The following PAM variants were observed in gnomAD, a reference collection of about 807,000 sequenced individuals.
PAM encodes the protein peptidylglycine alpha-amidating monooxygenase.
A neutral mutation model predicts 122.1 loss-of-function variants in PAM; 72 were observed. The observed-to-expected ratio is 0.59, with a 90% confidence interval of 0.49 to 0.72. The LOEUF is 0.72. Among genes scored for constraint, PAM ranks in the 30% least tolerant of loss-of-function variants. The pLI is 0.00. For synonymous variants in PAM, 389 were observed against 404.4 expected, an observed-to-expected ratio of 0.96 and a Z score of 0.46; for missense variants, 1,106 against 1,183.7, an observed-to-expected ratio of 0.93 and a Z score of 0.96.
rs187825252 is a variant in PAM, at chr5:102,849,278, C to T, written c.-373-16545C>T. Among the ~76,000 whole-genome samples, 198 of 152,162 alleles carry T rather than the reference C, an allele frequency of 1.3e-3. 2 individuals carry two copies. The highest frequency in any genetic ancestry group is 1.2e-3 in the Admixed American group (18 of 15,274). ...ACTCTAGTAAAAAGAAAAAGGTGGC[C>T]GGACGCGGTGCCTCACGCCTGTAAT... is the stretch of plus-strand genomic sequence containing the variant. On this transcript the variant is annotated intron_variant, in intron 1 of 25. Transcript: ENST00000438793.
intron 21 of PAM, among the ~76,000 whole-genome samples, chr5:103,016,754 A>G (rs17361885): frequency 6.6e-6 from 1 of 152,148 alleles, no homozygotes; most frequent in Non-Finnish European, 1.5e-5. Flanking sequence ...CAAACATAAG[A>G]CTTCAAGAGT....
chr5:102,888,188 C>T (rs1188717971), intron 3 of PAM, among the ~76,000 whole-genome samples: 1 of 151,996 alleles, frequency 6.6e-6, no homozygotes, highest in Non-Finnish European at 1.5e-5. Flanking sequence ...CAGGGATAAA[C>T]AGACATACGG....
chr5:103,017,380 T>C lies in PAM; in HGVS notation c.2378T>C (p.Val793Ala), dbSNP rs1782329618. 1.2e-6 allele frequency: 2 copies of C among 1,612,786 alleles called. No individual in the cohort carries two copies. The highest frequency in any genetic ancestry group is 2.7e-5 in the African/African-American group (2 of 75,002). The change falls in exon 22 of 26, where the codon GTG becomes GCG. Residue 793 changes from valine to alanine, a missense_variant. This residue lies in a region of PAM where 333 missense variants were observed against 335.6 expected (regional missense o/e 0.99). Coordinates refer to ENST00000438793, the MANE Select transcript of PAM (RefSeq NM_001177306.2). ...HDIVASEDGT[V>A]YIGDAHTNTV... ...ATTGTTGCATCTGAAGATGGGACTG[T>C]GTACATTGGAGATGCTCATACCAAC... is the stretch of plus-strand genomic sequence containing the variant.
intron 17 of PAM, among the ~76,000 whole-genome samples, chr5:103,004,646 C>G (rs1778409213): frequency 6.6e-6 from 1 of 152,206 alleles, no homozygotes; most frequent in Middle Eastern, 3.4e-3. Context: ...TATTCACAGC[C>G]CATGTTGGCT....
At chr5:102,953,264 A>G (rs1759559283) in intron 12 of PAM, among the ~76,000 whole-genome samples, 1 of 152,172 alleles carries the variant, frequency 6.6e-6, no homozygotes, top group African/African-American at 2.4e-5. Flanking sequence ...TTCATCTTAA[A>G]ATACCACGAT....
At chr5:102,946,919 A>G (rs752786936) in intron 8 of PAM, 34 bp downstream of exon 8, 9 of 1,413,892 alleles carry the variant, frequency 6.4e-6, no homozygotes, top group Non-Finnish European at 9.0e-6. Flanking sequence ...AGGAGCAGCA[A>G]CTTTAACATC....
chr5:103,028,290 C>A, intron 25 of PAM, 52 bp downstream of exon 25: 2 of 1,246,250 alleles, frequency 1.6e-6, no homozygotes, highest in Non-Finnish European at 1.2e-6. Context: ...AGTCAACAAG[C>A]ACATGTCTTT....
upstream of PAM, chr5:102,755,091 G>T (rs947833961): frequency 6.6e-6 from 1 of 152,482 alleles, no homozygotes; most frequent in Non-Finnish European, 1.5e-5. Flanking sequence ...GGCCGCCGGC[G>T]TGGAGGAGGC....
At chr5:102,998,838 G>C (rs1266661272) in intron 16 of PAM, among the ~76,000 whole-genome samples, 1 of 152,116 alleles carries the variant, frequency 6.6e-6, no homozygotes, top group Non-Finnish European at 1.5e-5. Context: ...ACAAAGCACT[G>C]AAATGTTTCT....
chr5:102,845,087 C>T (rs1005953689), intron 1 of PAM, among the ~76,000 whole-genome samples: 5 of 152,320 alleles, frequency 3.3e-5, no homozygotes, highest in African/African-American at 1.2e-4. Flanking sequence ...AGGCCTTAGC[C>T]ACTGCATTTC....
At chr5:102,846,286 T>C (rs921511611) in intron 1 of PAM, among the ~76,000 whole-genome samples, 1 of 152,194 alleles carries the variant, frequency 6.6e-6, no homozygotes, top group Non-Finnish European at 1.5e-5. Context: ...TTCTCACCTA[T>C]AGGATAAAGA....
In PAM at chr5:103,009,859, T is replaced by C. The variant is rs758579994; in HGVS notation, c.2324T>C (p.Val775Ala). 2 of 1,561,240 alleles carry C rather than the reference T, an allele frequency of 1.3e-6. No individual in the cohort carries two copies. The highest frequency in any genetic ancestry group is 2.2e-5 in the East Asian group (1 of 44,446). The change falls in exon 21 of 26, where the codon GTG becomes GCG. Residue 775 changes from valine (V) to alanine (A), a missense_variant. Val to Ala is a moderately conservative substitution (Grantham distance 64). Coordinates refer to ENST00000438793, the MANE Select transcript of PAM (RefSeq NM_001177306.2). ...NGEIIDIFKP[V>A]RKHFDMPHDI... is the part of the protein sequence containing the mutation. ...GAAATTATAGACATCTTCAAGCCAG[T>C]GCGCAAGGTATTTACACACATTGTC...
intron 1 of PAM, among the ~76,000 whole-genome samples, chr5:102,796,187 G>T (rs1255652271): frequency 6.6e-6 from 1 of 152,182 alleles, no homozygotes; most frequent in Non-Finnish European, 1.5e-5. Flanking sequence ...GGCAACACCA[G>T]TGGAGTTGGA....
At chr5:102,810,810 A>G (rs1377690980) in intron 1 of PAM, among the ~76,000 whole-genome samples, 1 of 152,174 alleles carries the variant, frequency 6.6e-6, no homozygotes, top group Non-Finnish European at 1.5e-5. Flanking sequence ...CCTGGGCAAC[A>G]AGAGCGAAAC....
At chr5:102,766,147 A>T (rs889048787) in intron 1 of PAM, among the ~76,000 whole-genome samples, 2 of 152,198 alleles carry the variant, frequency 1.3e-5, no homozygotes, top group Non-Finnish European at 2.9e-5. Context: ...GACCGGTTTC[A>T]TGGAAGACAG....
chr5:102,835,229 T>C (rs940606197), intron 1 of PAM, among the ~76,000 whole-genome samples: 2 of 152,186 alleles, frequency 1.3e-5, no homozygotes, highest in Non-Finnish European at 2.9e-5. Flanking sequence ...CTGAGGTTTA[T>C]AAGACGTACC....
At chr5:103,000,314 C>G (rs1777025301) in intron 16 of PAM, among the ~76,000 whole-genome samples, 1 of 152,186 alleles carries the variant, frequency 6.6e-6, no homozygotes, top group Non-Finnish European at 1.5e-5. Context: ...TCCTAGCAAG[C>G]TTATCATCTC....
intron 1 of PAM, among the ~76,000 whole-genome samples, chr5:102,796,000 G>C (rs1293511292): frequency 1.3e-5 from 2 of 152,000 alleles, no homozygotes; most frequent in African/African-American, 4.8e-5. Context: ...GTGATATTTT[G>C]TTTAAAGGCT....
rs111330566 is a variant in PAM, at chr5:102,931,671, G to T, written c.526+5003G>T. Among the ~76,000 whole-genome samples, 773 of 152,204 alleles carry T rather than the reference G, an allele frequency of 5.1e-3. 7 individuals are homozygous for T. The highest frequency in any genetic ancestry group is 0.018 in the African/African-American group (740 of 41,484). On this transcript the variant is annotated intron_variant, in intron 7 of 25. Coordinates refer to ENST00000438793, the MANE Select transcript of PAM (RefSeq NM_001177306.2). ...TGGAACTGATATTCTTAGAATGAAG[G>T]TCAGGGTCTCTTCCCAAATGTATTG...
Sources: gnomAD v4.1 joint callset for allele counts (sites outside exome capture counted in the v4.1 genomes callset) on GRCh38, gnomAD v4.1.1 for gene constraint, gnomAD v4.1.1 regional missense constraint, MANE v1.5 for transcripts, NCBI Gene and HGNC (gene_info 2026-07-23, HGNC 2026-07-21) for gene names.